Variants in SSBP3 observed in about 807,000 individuals in gnomAD.
SSBP3 encodes the protein single stranded DNA binding protein 3, also known as single-stranded DNA-binding protein 3.
Under a neutral mutation model 69.6 loss-of-function variants are expected in SSBP3, and 5 were observed. The observed-to-expected ratio is 0.07, with a 90% CI of 0.04 to 0.15. SSBP3 has a LOEUF of 0.15. SSBP3 is among the 10% of genes least tolerant of loss of function. The pLI, the probability that SSBP3 is intolerant of heterozygous loss-of-function variation, is 1.00. For missense variants in SSBP3, 312 were observed against 534.0 expected (o/e 0.58, Z 4.10); for synonymous variants, 196 against 193.4 (o/e 1.01, Z -0.11).
intron 4 of SSBP3, among the ~76,000 whole-genome samples, chr1:54,285,858 A>C (rs1040056288): frequency 6.6e-6 from 1 of 152,212 alleles, no homozygotes; most frequent in Non-Finnish European, 1.5e-5. Context: ...TGGATTCAGA[A>C]GCTAGAGATC....
intron 7 of SSBP3, among the ~76,000 whole-genome samples, chr1:54,253,169 TTTTTGTTTTTTTTTTAGTTTTTG>T (rs1205543188): frequency 3.2e-5 from 3 of 94,322 alleles, no homozygotes; most frequent in African/African-American, 1.6e-4. Flanking sequence ...TTGGTATTTG[TTTTTGTTTTTTTTTTAGTTTTTG>T]TTTTTTTTTT....
chr1:54,385,488 A>AACAC (rs1030734076), intron 4 of SSBP3, among the ~76,000 whole-genome samples: 1 of 151,422 alleles, frequency 6.6e-6, no homozygotes, highest in South Asian at 2.1e-4. Context: ...CCCAACCCCA[A>AACAC]ACACACACAC....
exon 18 of SSBP3, chr1:54,226,499 G>A (rs1243432701): frequency 6.5e-6 from 1 of 152,836 alleles, no homozygotes; most frequent in Admixed American, 6.5e-5. Flanking sequence ...TCCAAAAAAG[G>A]CCTTTTGAAA....
intron 13 of SSBP3, among the ~76,000 whole-genome samples, chr1:54,240,047 G>GGGGTGTGTGTGTGT: frequency 1.3e-5 from 1 of 77,792 alleles, no homozygotes; most frequent in Non-Finnish European, 2.6e-5. Context: ...ATTGTGATGG[G>GGGGTGTGTGTGTGT]GTGTGTGTGT....
chr1:54,229,096 C>G (rs901897468), intron 14 of SSBP3, among the ~76,000 whole-genome samples: 3 of 152,228 alleles, frequency 2.0e-5, no homozygotes, highest in African/African-American at 7.2e-5. Flanking sequence ...AGAGGCACCT[C>G]TGAAACTGAG....
intron 4 of SSBP3, among the ~76,000 whole-genome samples, chr1:54,296,138 G>C (rs566620314): frequency 2.6e-5 from 4 of 152,228 alleles, no homozygotes; most frequent in Admixed American, 6.5e-5. Flanking sequence ...TTATAAAGAT[G>C]TAACTTTAAG....
At chr1:54,287,625 C>G (rs1457540988) in intron 4 of SSBP3, among the ~76,000 whole-genome samples, 2 of 152,024 alleles carry the variant, frequency 1.3e-5, no homozygotes, top group Non-Finnish European at 2.9e-5. Flanking sequence ...ACAGGGGCTT[C>G]TGTGCAAACT....
intron 4 of SSBP3, among the ~76,000 whole-genome samples, chr1:54,297,425 T>C (rs1645721700): frequency 6.6e-6 from 1 of 152,172 alleles, no homozygotes; most frequent in African/African-American, 2.4e-5. Flanking sequence ...AGGTCAGGAA[T>C]TCGAGACCAG....
intron 14 of SSBP3, among the ~76,000 whole-genome samples, chr1:54,230,119 A>C (rs1644356531): frequency 6.6e-6 from 1 of 152,154 alleles, no homozygotes; most frequent in African/African-American, 2.4e-5. Context: ...AAGGGGTGTA[A>C]GGGGTAAGGC....
chr1:54,302,228 C>G (rs1283846235), intron 4 of SSBP3, among the ~76,000 whole-genome samples: 1 of 152,250 alleles, frequency 6.6e-6, no homozygotes, highest in Non-Finnish European at 1.5e-5. Flanking sequence ...CACCTACCCC[C>G]TGCCCCCGGT....
chr1:54,277,295 A>G (rs550962937), intron 5 of SSBP3, among the ~76,000 whole-genome samples: 2 of 152,146 alleles, frequency 1.3e-5, no homozygotes, highest in Non-Finnish European at 2.9e-5. Flanking sequence ...CAGCCACCAC[A>G]CATCAAGCAG....
At chr1:54,309,875 T>A (rs962203230) in intron 4 of SSBP3, among the ~76,000 whole-genome samples, 1 of 152,226 alleles carries the variant, frequency 6.6e-6, no homozygotes, top group Non-Finnish European at 1.5e-5. Flanking sequence ...AGGCGCTTTC[T>A]TGTCGTTTCC....
chr1:54,339,734 G>A (rs1248285471), intron 4 of SSBP3, among the ~76,000 whole-genome samples: 3 of 151,972 alleles, frequency 2.0e-5, no homozygotes, highest in African/African-American at 4.8e-5. Flanking sequence ...CCAAGATGGC[G>A]AAACCCCATC....
At position 54,337,997 on chromosome 1, in the gene SSBP3, A is replaced by G. The variant is rs146424705; in HGVS notation, c.277-56470T>C. 1.1e-4 allele frequency among the ~76,000 whole-genome samples: 16 copies of G among 152,330 alleles called. No individual in the cohort carries two copies. The East Asian group carries it at 2.9e-3, about 28-fold the overall frequency. On this transcript the variant is annotated intron_variant, in intron 4 of 17. Transcript: ENST00000610401. The stretch of plus-strand genomic sequence containing the variant: ...AATTTATTTTTGAAAAATAATGAGA[A>G]TAAAGTCCCAGGCCGACTGAGAAAT...
At chr1:54,304,228 A>C (rs748739783) in intron 4 of SSBP3, among the ~76,000 whole-genome samples, 6 of 152,174 alleles carry the variant, frequency 3.9e-5, no homozygotes, top group Non-Finnish European at 8.8e-5. Context: ...GCAGCCTTCG[A>C]CCTAGAGTCT....
intron 14 of SSBP3, chr1:54,236,467 G>A (rs989199716): frequency 6.6e-6 from 1 of 152,186 alleles, no homozygotes; most frequent in African/African-American, 2.4e-5. Flanking sequence ...TGGTGAGGAT[G>A]TCTTGCTTTG....
intron 4 of SSBP3, among the ~76,000 whole-genome samples, chr1:54,337,070 C>A (rs543963176): frequency 7.2e-5 from 11 of 152,366 alleles, no homozygotes; most frequent in African/African-American, 2.6e-4. Flanking sequence ...GCAAAGTGCG[C>A]TGCCGCAGGT....
chr1:54,302,838 G>T (rs1452477105), intron 4 of SSBP3, among the ~76,000 whole-genome samples: 2 of 152,202 alleles, frequency 1.3e-5, no homozygotes, highest in South Asian at 2.1e-4. Flanking sequence ...TGCAGCTGCA[G>T]ACCAAGTCAG....
At chr1:54,395,373 C>T (rs1357364443) in intron 4 of SSBP3, among the ~76,000 whole-genome samples, 2 of 152,260 alleles carry the variant, frequency 1.3e-5, no homozygotes. Context: ...TAGATTCCTA[C>T]TGATGCCAAG....
Sources: allele counts gnomAD v4.1 joint callset (sites outside exome capture counted in the v4.1 genomes callset), GRCh38; gene constraint gnomAD v4.1.1; transcripts MANE v1.5; gene names NCBI Gene and HGNC (gene_info 2026-07-23, HGNC 2026-07-21).